CHL1: variants seen among roughly 807,000 people sequenced by gnomAD.
The protein encoded by CHL1 is neural cell adhesion molecule L1-like protein.
In CHL1, 96 loss-of-function variants were observed where a neutral mutation model predicts 141.9. That is an observed-to-expected ratio of 0.68 (90% confidence interval 0.57 to 0.80). The LOEUF is 0.80. Ranked by LOEUF, CHL1 falls within the 30% of genes least tolerant of loss-of-function variation. CHL1 has a pLI of 0.00. For synonymous variants in CHL1, 613 were observed against 502.2 expected, an observed-to-expected ratio of 1.22 and a Z score of -2.95; for missense variants, 1,820 against 1,457.2, an observed-to-expected ratio of 1.25 and a Z score of -4.05.
At chr3:206,805 G>C (rs2124866887) in intron 1 of CHL1, among the ~76,000 whole-genome samples, 1 of 152,274 alleles carries the variant, frequency 6.6e-6, no homozygotes, top group East Asian at 1.9e-4. Flanking sequence ...CATTATCATT[G>C]TTTATTTCTT....
At chr3:307,323 C>T (rs555214100) in intron 2 of CHL1, among the ~76,000 whole-genome samples, 1 of 152,316 alleles carries the variant, frequency 6.6e-6, no homozygotes, top group East Asian at 1.9e-4. Flanking sequence ...CATGCATTTA[C>T]ACACACAAAC....
At chr3:403,853 G>A (rs1018908599) in intron 27 of CHL1, among the ~76,000 whole-genome samples, 3 of 152,114 alleles carry the variant, frequency 2.0e-5, no homozygotes, top group Non-Finnish European at 4.4e-5. Flanking sequence ...CCTTGCATAA[G>A]TCCTCATTCT....
chr3:347,759 G>T (rs192464051), intron 9 of CHL1, among the ~76,000 whole-genome samples: 4 of 152,306 alleles, frequency 2.6e-5, no homozygotes, highest in South Asian at 2.1e-4. Context: ...CTTAGGTGGT[G>T]TGCTCAGAAA....
intron 27 of CHL1, among the ~76,000 whole-genome samples, chr3:404,561 T>C (rs1269408648): frequency 3.3e-5 from 5 of 152,182 alleles, no homozygotes; most frequent in Admixed American, 2.6e-4. Context: ...ACCATAAATA[T>C]AGTATACTTA....
chr3:208,522 C>T lies in CHL1; in HGVS notation c.-175+11459C>T, dbSNP rs537110089. ...CCTCAGTGGGAGACTAGTTGAGCTACACTTTTGTTTCTGTGCCTTATGAAG... is the reference window on the plus strand; with the variant it reads ...CCTCAGTGGGAGACTAGTTGAGCTATACTTTTGTTTCTGTGCCTTATGAAG... On this transcript the variant is annotated intron_variant, in intron 1 of 27. Transcript: ENST00000256509. Among the ~76,000 whole-genome samples the T allele has an allele frequency of 2.0e-5, 3 of 147,880 alleles. 1 individual carries two copies. The highest frequency in any genetic ancestry group is 5.3e-5 in the African/African-American group (2 of 37,400).
At chr3:304,904 T>A (rs1214348322) in intron 2 of CHL1, among the ~76,000 whole-genome samples, 1 of 152,230 alleles carries the variant, frequency 6.6e-6, no homozygotes, top group Non-Finnish European at 1.5e-5. Context: ...CTCTAAACAC[T>A]GCTTTAAATG....
intron 16 of CHL1, among the ~76,000 whole-genome samples, chr3:378,428 T>A (rs540945456): frequency 6.6e-6 from 1 of 152,266 alleles, no homozygotes; most frequent in South Asian, 2.1e-4. Context: ...ATGTCTTTGA[T>A]TTTTGTCGTT....
chr3:230,552 C>G (rs904846112), intron 1 of CHL1, among the ~76,000 whole-genome samples: 2 of 151,244 alleles, frequency 1.3e-5, no homozygotes, highest in Non-Finnish European at 2.9e-5. Context: ...TACAGAAGGA[C>G]TAGAATTAGA....
intron 27 of CHL1, 60 bp downstream of exon 27, chr3:401,758 G>A: frequency 2.1e-6 from 2 of 942,580 alleles, no homozygotes; most frequent in Non-Finnish European, 3.2e-6. Context: ...AAGCTTAAGT[G>A]AACAAAAAGG....
intron 1 of CHL1, among the ~76,000 whole-genome samples, chr3:215,706 T>TC (rs1191618953): frequency 6.6e-6 from 1 of 152,068 alleles, no homozygotes; most frequent in Non-Finnish European, 1.5e-5. Flanking sequence ...ATGGGTTTGC[T>TC]CTTTTTTTTT....
At chr3:367,725 A>G (rs1362285742) in intron 15 of CHL1, among the ~76,000 whole-genome samples, 2 of 152,116 alleles carry the variant, frequency 1.3e-5, no homozygotes, top group South Asian at 2.1e-4. Context: ...GATTTGTTAC[A>G]TAGGTATACA....
intron 5 of CHL1, 168 bp downstream of exon 5, chr3:328,522 C>A (rs1024988909): frequency 6.1e-6 from 3 of 491,170 alleles, no homozygotes; most frequent in Admixed American, 3.9e-5. Flanking sequence ...TACTTAAAAT[C>A]GGATGACCTT....
At chr3:299,105 C>T (rs143406196) in intron 2 of CHL1, among the ~76,000 whole-genome samples, 6 of 152,138 alleles carry the variant, frequency 3.9e-5, no homozygotes, top group South Asian at 2.1e-4. Flanking sequence ...CATTATCTGA[C>T]GTGAAATGAA....
At chr3:294,241 C>G (rs1477792920) in intron 2 of CHL1, among the ~76,000 whole-genome samples, 1 of 152,008 alleles carries the variant, frequency 6.6e-6, no homozygotes, top group Non-Finnish European at 1.5e-5. Context: ...ATCACTTGAG[C>G]CTGGGAGGTC....
chr3:331,473 C>G (rs1701433924), intron 5 of CHL1, among the ~76,000 whole-genome samples: 1 of 152,170 alleles, frequency 6.6e-6, no homozygotes, highest in Non-Finnish European at 1.5e-5. Flanking sequence ...ACCTCCCAGC[C>G]TCGAGCAATC....
chr3:256,383 C>T (rs932033626), intron 2 of CHL1, among the ~76,000 whole-genome samples: 7 of 152,138 alleles, frequency 4.6e-5, no homozygotes, highest in Admixed American at 2.0e-4. Context: ...TAACTTAACA[C>T]AGAATAAATA....
chr3:393,389 A>G (rs1393472817), intron 23 of CHL1, among the ~76,000 whole-genome samples: 1 of 152,180 alleles, frequency 6.6e-6, no homozygotes, highest in East Asian at 1.9e-4. Flanking sequence ...TTTGTTTGGT[A>G]AAGATATAAC....
At chr3:289,725 ATATCT>A (rs1352380976) in intron 2 of CHL1, among the ~76,000 whole-genome samples, 1 of 151,790 alleles carries the variant, frequency 6.6e-6, no homozygotes, top group Non-Finnish European at 1.5e-5. Flanking sequence ...GATTTAATAC[ATATCT>A]TATTTAATAC....
At chr3:260,943 G>A (rs1694659652) in intron 2 of CHL1, among the ~76,000 whole-genome samples, 1 of 152,172 alleles carries the variant, frequency 6.6e-6, no homozygotes, top group South Asian at 2.1e-4. Flanking sequence ...TTTTTGGACA[G>A]TTTGAGAAGC....
Sources: allele counts gnomAD v4.1 joint callset (sites outside exome capture counted in the v4.1 genomes callset), GRCh38; gene constraint gnomAD v4.1.1; transcripts MANE v1.5; gene names NCBI Gene and HGNC (gene_info 2026-07-23, HGNC 2026-07-21).